Variants in SNED1 observed in about 807,000 individuals in gnomAD.
The protein encoded by SNED1 is sushi, nidogen and EGF-like domain-containing protein 1.
Under a neutral mutation model 166.7 loss-of-function variants are expected in SNED1, and 81 were observed. That is an observed-to-expected ratio of 0.49 (90% CI 0.41 to 0.58). SNED1 has a LOEUF of 0.58. Among genes scored for constraint, SNED1 ranks in the 20% least tolerant of loss-of-function variants. SNED1 has a pLI of 0.00. For synonymous variants in SNED1, 762 were observed against 822.0 expected, an observed-to-expected ratio of 0.93 and a Z score of 1.25; for missense variants, 1,604 against 2,000.2, an observed-to-expected ratio of 0.80 and a Z score of 3.78.
rs914444086 is a variant in SNED1, at chr2:241,094,774, T to A, written c.*3138T>A. ...CTCTACCCACTAGAATCCTACAATC[T>A]ACCAGATCCTAGGATCTAGTTGATC... is the stretch of plus-strand genomic sequence containing the variant. On this transcript the variant is annotated 3_prime_UTR_variant, in exon 32 of 32. Transcript: ENST00000310397. The surrounding 1 kb of genome is among the most constrained non-coding windows in gnomAD (Gnocchi z 4.3). 7.1e-5 allele frequency: 12 copies of A among 167,878 alleles called. No homozygotes were observed. Among genetic ancestry groups the A allele is most frequent in the African/African-American group, 2.9e-4 (12 of 41,514 alleles). 10.4% of individuals were successfully genotyped at this position (167,878 alleles called of 1,614,324 possible).
intron 27 of SNED1, among the ~76,000 whole-genome samples, chr2:241,078,696 C>T (rs1575099666): frequency 1.3e-5 from 2 of 151,906 alleles, no homozygotes; most frequent in African/African-American, 2.4e-5. Context: ...TCTGAGGTCA[C>T]GAAAATGTTC....
Position 241,053,278 on chromosome 2 carries a change from C to T in SNED1, c.2209C>T (p.Arg737Trp), listed in dbSNP as rs371578070. Reference protein sequence around the residue: ...GYSLSAPSRIRVCQPHGVWSE... With the variant: ...GYSLSAPSRIWVCQPHGVWSE... ...CAGCCTGAGCGCCCCCAGCCGCATCCGGGTCTGCCAGCCACACGGTGTCTG... is the reference window on the plus strand; with the variant it reads ...CAGCCTGAGCGCCCCCAGCCGCATCTGGGTCTGCCAGCCACACGGTGTCTG... Residue 737 changes from arginine (R) to tryptophan (W), a missense_variant, in exon 16 of 32, where the codon CGG becomes TGG. Physicochemically the swap from Arg to Trp is moderately radical, Grantham distance 101 (BLOSUM62 -3). Coordinates refer to ENST00000310397, the MANE Select transcript of SNED1 (RefSeq NM_001080437.3). 7.5e-6 allele frequency: 12 copies of T among 1,601,610 alleles called. No individual in the cohort carries two copies. The highest frequency in any genetic ancestry group is 4.5e-5 in the East Asian group (2 of 44,626).
Position 241,037,350 on chromosome 2 carries a change from A to G in SNED1, c.1042A>G (p.Thr348Ala). 1 of 1,604,758 alleles carries G rather than the reference A, an allele frequency of 6.2e-7. No individual in the cohort carries two copies. Among genetic ancestry groups the G allele is most frequent in the Non-Finnish European group, 8.5e-7 (1 of 1,175,788 alleles). ...TGGCTTTGGGGGACCCACCTGTGAG[A>G]CAGGTAAGAGGAACCCACCGGGGCC... Reference protein sequence around the residue: ...PAGFGGPTCETAQSPCDTKEC... With the variant: ...PAGFGGPTCEAAQSPCDTKEC... The change falls in exon 6 of 32, where the codon ACA (threonine) becomes GCA (alanine). Residue 348 changes from threonine to alanine, a missense_variant. Physicochemically the swap from Thr to Ala is moderately conservative, Grantham distance 58 (BLOSUM62 0). Around this residue, in one of 2 missense-constraint regions of SNED1, gnomAD observed 1,237 missense variants for 1,620.8 expected, o/e 0.76. Transcript: ENST00000310397.
intron 16 of SNED1, among the ~76,000 whole-genome samples, chr2:241,057,403 A>ATG (rs1302391458): frequency 1.4e-5 from 2 of 143,438 alleles, no homozygotes; most frequent in Admixed American, 1.4e-4. Flanking sequence ...ATATATATAT[A>ATG]TATATATATG....
intron 29 of SNED1, among the ~76,000 whole-genome samples, chr2:241,083,479 C>T (rs376361981): frequency 1.3e-5 from 2 of 152,252 alleles, no homozygotes; most frequent in African/African-American, 4.8e-5. Context: ...GGGATGTAGA[C>T]GGGCAAGGGT....
chr2:241,056,816 C>T (rs1162232145), intron 16 of SNED1, among the ~76,000 whole-genome samples: 1 of 150,098 alleles, frequency 6.7e-6, no homozygotes, highest in African/African-American at 2.5e-5. Context: ...CTCCTGACCT[C>T]GTGATCCACC....
intron 1 of SNED1, among the ~76,000 whole-genome samples, chr2:241,012,164 G>T (rs773940399): frequency 1.3e-5 from 2 of 152,172 alleles, no homozygotes; most frequent in East Asian, 1.9e-4. Flanking sequence ...GAGCAGGGAG[G>T]TCCCCCACAC....
In SNED1 at chr2:241,067,773, C is replaced by G. The variant is rs1559290224; in HGVS notation, c.3020C>G (p.Pro1007Arg). The G allele has an allele frequency of 1.2e-6, 2 of 1,607,640 alleles. No individual in the cohort carries two copies. The highest frequency in any genetic ancestry group is 2.2e-5 in the East Asian group (1 of 44,634). The change falls in exon 22 of 32, where the codon CCT (proline) becomes CGT (arginine). Residue 1007 changes from proline to arginine, a missense_variant. By Grantham distance (103) the Pro-to-Arg change is moderately radical (BLOSUM62 -2). Around this residue, in one of 2 missense-constraint regions of SNED1, gnomAD observed 1,237 missense variants for 1,620.8 expected, o/e 0.76. Coordinates refer to ENST00000310397, the MANE Select transcript of SNED1 (RefSeq NM_001080437.3). ...AGTCCATTCCCCCTAGGACCCCGCC[C>G]TGTGGAAGGCTTCGAGGTCACCAAT... ...AVLLARTRPR[P>R]VEGFEVTNVT...
chr2:241,038,682 C>T (rs954304192), intron 6 of SNED1, among the ~76,000 whole-genome samples: 2 of 152,270 alleles, frequency 1.3e-5, no homozygotes, highest in African/African-American at 4.8e-5. Flanking sequence ...CAACGTGAGA[C>T]GGGTGGGAGT....
chr2:241,075,056 C>T lies in SNED1; in HGVS notation c.3916+1692C>T, dbSNP rs576551367. On this transcript the variant is annotated intron_variant, in intron 27 of 31. Transcript: ENST00000310397. The surrounding 1 kb of genome is among the most constrained non-coding windows in gnomAD (Gnocchi z 4.8). ...TGTGTTTTCACTCCGCATTCTCGGA[C>T]TGAGGTTGGCCCATGCGGTCTGGGC... 6 of 152,324 alleles carry T rather than the reference C, an allele frequency of 3.9e-5. No homozygotes were observed. Among genetic ancestry groups the T allele is most frequent in the African/African-American group, 1.4e-4 (6 of 41,568 alleles). The allele number at this position is 152,324 out of a possible 1,614,324, so 9.4% of individuals were successfully genotyped here.
chr2:241,051,870 C>T lies in SNED1; in HGVS notation c.1852+10C>T. 2 of 1,532,522 alleles carry T rather than the reference C, an allele frequency of 1.3e-6. No homozygotes were observed. Among genetic ancestry groups the T allele is most frequent in the Non-Finnish European group, 1.8e-6 (2 of 1,136,334 alleles). 94.9% of individuals were successfully genotyped at this position (1,532,522 alleles called of 1,614,324 possible). ...AGGCACTGTGAGATCGGTGCGGCCC[C>T]CAGGGGCAGGGGGGAGGGCAGGAAC... On this transcript the variant is annotated intron_variant, in intron 13 of 31. Transcript: ENST00000310397. The surrounding 1 kb of genome is among the most constrained non-coding windows in gnomAD (Gnocchi z 4.7).
intron 1 of SNED1, among the ~76,000 whole-genome samples, chr2:241,009,790 T>C (rs2060330984): frequency 6.6e-6 from 1 of 151,578 alleles, no homozygotes; most frequent in African/African-American, 2.4e-5. Flanking sequence ...GGGTGACTGC[T>C]TCTGTCCCAT....
rs951506229 is a variant in SNED1, at chr2:241,040,134, G to A, written c.1105G>A (p.Gly369Ser). 10 of 1,602,822 alleles carry A rather than the reference G, an allele frequency of 6.2e-6. No individual in the cohort carries two copies. Among genetic ancestry groups the A allele is most frequent in the Non-Finnish European group, 8.5e-6 (10 of 1,174,792 alleles). ...QHGGQCQVEN[G>S]SAVCVCQAGY... ...TGGTGGCCAGTGCCAGGTGGAGAAT[G>A]GCTCTGCGGTGTGTGTGTGCCAGGC... The change falls in exon 7 of 32, where the codon GGC becomes AGC. Residue 369 changes from glycine (G) to serine (S), a missense_variant. By Grantham distance (56) the Gly-to-Ser change is moderately conservative. Around this residue, in one of 2 missense-constraint regions of SNED1, gnomAD observed 1,237 missense variants for 1,620.8 expected, o/e 0.76. Coordinates refer to ENST00000310397, the MANE Select transcript of SNED1 (RefSeq NM_001080437.3).
At chr2:241,031,026 G>A (rs1326760790) in intron 2 of SNED1, among the ~76,000 whole-genome samples, 1 of 152,230 alleles carries the variant, frequency 6.6e-6, no homozygotes, top group Non-Finnish European at 1.5e-5. Flanking sequence ...GGTGGCAGAT[G>A]TATTTACTCA....
chr2:241,048,513 C>T (rs2061730326), intron 9 of SNED1, 73 bp downstream of exon 9: 1 of 1,527,416 alleles, frequency 6.5e-7, no homozygotes, highest in South Asian at 1.3e-5. Context: ...CCTGTGGGTG[C>T]ATGCAGGAAA....
chr2:241,039,330 G>A (rs2061459105), intron 6 of SNED1, among the ~76,000 whole-genome samples: 1 of 152,140 alleles, frequency 6.6e-6, no homozygotes, highest in South Asian at 2.1e-4. Context: ...CCAAAGAGAG[G>A]GCCCCACCAT....
intron 8 of SNED1, among the ~76,000 whole-genome samples, chr2:241,046,343 A>C (rs74000327): frequency 0.029 from 4,358 of 152,306 alleles, 222 homozygotes; most frequent in African/African-American, 0.1. Flanking sequence ...TTTACACACA[A>C]ATCCATATAC....
chr2:241,063,584 CAG>C lies in SNED1; in HGVS notation c.2374_2375del. 6.3e-7 allele frequency: 1 copy of C among 1,595,392 alleles called. No individual in the cohort carries two copies. The highest frequency in any genetic ancestry group is 8.6e-7 in the Non-Finnish European group (1 of 1,168,200). ...ACACCCTTGACACCCCTTCTCTGTG[CAG>C]AGAGGGATGAGTGCCGAGCTCACCC... On this transcript the variant is annotated splice_acceptor_variant, in intron 17 of 31. Coordinates refer to ENST00000310397, the MANE Select transcript of SNED1 (RefSeq NM_001080437.3). LOFTEE classifies it high-confidence loss of function.
intron 1 of SNED1, among the ~76,000 whole-genome samples, chr2:241,014,976 C>T (rs1250526279): frequency 6.6e-6 from 1 of 152,252 alleles, no homozygotes; most frequent in Non-Finnish European, 1.5e-5. Context: ...CCTCCTGCTT[C>T]TCTGTCCCTG....
Sources: gnomAD v4.1 joint callset for allele counts (sites outside exome capture counted in the v4.1 genomes callset) on GRCh38, gnomAD v4.1.1 for gene constraint, gnomAD v4.1.1 regional missense constraint, Gnocchi (gnomAD v3.1) non-coding constraint, MANE v1.5 for transcripts, NCBI Gene and HGNC (gene_info 2026-07-23, HGNC 2026-07-21) for gene names.